Variants in KDM2A observed in about 807,000 individuals in gnomAD.
KDM2A encodes lysine demethylase 2A, also known as lysine-specific demethylase 2A.
Under a neutral mutation model 137.3 loss-of-function variants are expected in KDM2A, and 3 were observed. That is an observed-to-expected ratio of 0.02 (90% CI 0.01 to 0.06). The LOEUF (loss-of-function observed/expected upper bound fraction) is 0.06, where lower values mean the gene tolerates loss of function less well. Ranked by LOEUF, KDM2A falls within the 10% of genes least tolerant of loss-of-function variation. KDM2A has a pLI of 1.00. For synonymous variants in KDM2A, 512 were observed against 541.5 expected, an observed-to-expected ratio of 0.95 and a Z score of 0.76; for missense variants, 738 against 1,510.6, an observed-to-expected ratio of 0.49 and a Z score of 8.48.
intron 4 of KDM2A, 112 bp from the exon 5 acceptor site, chr11:67,181,734 T>C: frequency 1.2e-6 from 1 of 807,054 alleles, no homozygotes; most frequent in Non-Finnish European, 2.1e-6. Flanking sequence ...ATTTCAAACC[T>C]GATTGTGAAT....
chr11:67,225,465 G>A (rs1007082365), intron 10 of KDM2A, among the ~76,000 whole-genome samples: 15 of 151,502 alleles, frequency 9.9e-5, no homozygotes, highest in Admixed American at 9.9e-4. Context: ...GTGAAACCCC[G>A]TCTCTACTAA....
chr11:67,219,429 A>C (rs766922545), intron 10 of KDM2A, 26 bp downstream of exon 10: 1 of 1,326,126 alleles, frequency 7.5e-7, no homozygotes, highest in East Asian at 2.4e-5. Context: ...TAACAGTTGC[A>C]TGTGAAGAGG....
intron 2 of KDM2A, among the ~76,000 whole-genome samples, chr11:67,173,566 A>G (rs1856920219): frequency 6.6e-6 from 1 of 150,466 alleles, no homozygotes; most frequent in Admixed American, 6.6e-5. Flanking sequence ...CAGTTTTTGT[A>G]TTTTTAGAAG....
At chr11:67,141,989 A>G (rs956539812) in intron 2 of KDM2A, among the ~76,000 whole-genome samples, 3 of 151,934 alleles carry the variant, frequency 2.0e-5, no homozygotes, top group African/African-American at 7.2e-5. Context: ...ATGTTCCGAA[A>G]ATGACAGAAT....
At chr11:67,241,346 G>A (rs1053205050) in intron 12 of KDM2A, among the ~76,000 whole-genome samples, 2 of 152,108 alleles carry the variant, frequency 1.3e-5, no homozygotes, top group Non-Finnish European at 1.5e-5. Flanking sequence ...TAAAACATCC[G>A]CAGATGAAAT....
At chr11:67,122,756 C>T (rs973238678) in intron 2 of KDM2A, among the ~76,000 whole-genome samples, 10 of 150,974 alleles carry the variant, frequency 6.6e-5, no homozygotes, top group Admixed American at 1.3e-4. Flanking sequence ...GCTCACTGCA[C>T]GCTCCGCCTC....
At position 67,121,134 on chromosome 11, in the gene KDM2A, CAG is replaced by C. The variant is rs549572174; in HGVS notation, c.-83-95_-83-94del. On this transcript the variant is annotated intron_variant, in intron 1 of 20. Coordinates refer to ENST00000529006, the MANE Select transcript of KDM2A (RefSeq NM_012308.3). Reference sequence around the variant, plus strand: ...ACTCATGAAGAGGAACCTGATTTTTCAGAGAGCCTTTAACACTTACCTTAAAT... The same window carrying C: ...ACTCATGAAGAGGAACCTGATTTTTCAGAGCCTTTAACACTTACCTTAAAT... 381 of 588,818 alleles carry C rather than the reference CAG, an allele frequency of 6.5e-4. 1 individual carries two copies. In the African/African-American group the frequency reaches 6.6e-3, roughly 10 times the overall value. The allele number at this position is 588,818 out of a possible 1,614,324, so 36.5% of individuals were successfully genotyped here.
intron 5 of KDM2A, among the ~76,000 whole-genome samples, chr11:67,191,915 T>G (rs1223173093): frequency 6.6e-6 from 1 of 152,242 alleles, no homozygotes; most frequent in African/African-American, 2.4e-5. Flanking sequence ...GCAGATGATA[T>G]GACTTTTTTA....
intron 2 of KDM2A, among the ~76,000 whole-genome samples, chr11:67,166,538 G>A (rs973600429): frequency 6.6e-6 from 1 of 152,072 alleles, no homozygotes; most frequent in African/African-American, 2.4e-5. Flanking sequence ...TAGTATTTGT[G>A]TATGAGGGTG....
chr11:67,132,615 G>A (rs1158302355), intron 2 of KDM2A, among the ~76,000 whole-genome samples: 1 of 152,138 alleles, frequency 6.6e-6, no homozygotes, highest in Non-Finnish European at 1.5e-5. Context: ...CAGTGATTTG[G>A]CCAAAGTGGC....
At chr11:67,208,150 A>C (rs962453015) in intron 6 of KDM2A, among the ~76,000 whole-genome samples, 76 of 152,222 alleles carry the variant, frequency 5.0e-4, no homozygotes, top group African/African-American at 1.6e-3. Flanking sequence ...TATTTTTATA[A>C]AGATATATTG....
intron 2 of KDM2A, among the ~76,000 whole-genome samples, chr11:67,124,939 G>A (rs1419789967): frequency 6.7e-6 from 1 of 148,726 alleles, no homozygotes; most frequent in African/African-American, 2.5e-5. Context: ...CTCACTGCAA[G>A]CTCTACCTCC....
chr11:67,247,037 TTATATATATATATATATATA>T (rs59101290), intron 15 of KDM2A, among the ~76,000 whole-genome samples: 13 of 33,078 alleles, frequency 3.9e-4, no homozygotes, highest in African/African-American at 1.3e-3. Flanking sequence ...ATAAATTATT[TTATATATATATATATATATA>T]TATATATATA....
intron 2 of KDM2A, among the ~76,000 whole-genome samples, chr11:67,143,527 T>G (rs569658381): frequency 2.0e-4 from 30 of 152,270 alleles, no homozygotes; most frequent in African/African-American, 7.0e-4. Context: ...TGCCACCACT[T>G]CAAAAGCTTC....
At chr11:67,155,019 GTTTTT>G (rs943963434) in intron 2 of KDM2A, among the ~76,000 whole-genome samples, 3 of 151,992 alleles carry the variant, frequency 2.0e-5, no homozygotes, top group African/African-American at 7.2e-5. Flanking sequence ...TAGTTCTTTT[GTTTTT>G]TGTTTGTTTT....
chr11:67,195,957 T>C (rs1857471223), intron 5 of KDM2A: 12 of 434,260 alleles, frequency 2.8e-5, no homozygotes, highest in Admixed American at 1.1e-4. Flanking sequence ...ATCCACAATA[T>C]CTTCTATCAA....
intron 5 of KDM2A, among the ~76,000 whole-genome samples, chr11:67,200,574 C>T (rs1374885162): frequency 1.3e-5 from 2 of 151,938 alleles, no homozygotes; most frequent in African/African-American, 4.8e-5. Flanking sequence ...TGCAATGGTA[C>T]AATCATGGCT....
intron 5 of KDM2A, among the ~76,000 whole-genome samples, chr11:67,195,094 T>C (rs1023890439): frequency 6.6e-6 from 1 of 152,104 alleles, no homozygotes; most frequent in African/African-American, 2.4e-5. Flanking sequence ...CATTTGCAGC[T>C]CATTTCTTGT....
intron 5 of KDM2A, among the ~76,000 whole-genome samples, chr11:67,188,439 G>A (rs1301184935): frequency 3.4e-5 from 5 of 147,422 alleles, no homozygotes; most frequent in Admixed American, 2.0e-4. Flanking sequence ...CTGAGATCGC[G>A]CCACTGCACT....
Sources: gnomAD v4.1 joint callset for allele counts (sites outside exome capture counted in the v4.1 genomes callset) on GRCh38, gnomAD v4.1.1 for gene constraint, MANE v1.5 for transcripts, NCBI Gene and HGNC (gene_info 2026-07-23, HGNC 2026-07-21) for gene names.